Variants in NBAS observed in about 807,000 individuals in gnomAD.
NBAS encodes NAG/BC035112 fusion.
NBAS carries 219 observed loss-of-function variants against 302.5 expected under a neutral mutation model. The observed-to-expected ratio is 0.72, with a 90% confidence interval of 0.65 to 0.81. The LOEUF (loss-of-function observed/expected upper bound fraction) is 0.81, where lower values mean the gene tolerates loss of function less well. Among genes scored for constraint, NBAS ranks in the 30% least tolerant of loss-of-function variants. NBAS has a pLI of 0.00. For missense variants in NBAS, 2,932 were observed against 2,841.6 expected, an observed-to-expected ratio of 1.03 and a Z score of -0.72; for synonymous variants, 1,118 against 1,021.6, an observed-to-expected ratio of 1.09 and a Z score of -1.80.
chr2:15,466,137 T>C (rs999451909), intron 19 of NBAS, among the ~76,000 whole-genome samples: 4 of 152,170 alleles, frequency 2.6e-5, no homozygotes, highest in African/African-American at 9.7e-5. Flanking sequence ...CCTCTTTCAG[T>C]ATTTGTTTAA....
intron 11 of NBAS, among the ~76,000 whole-genome samples, chr2:15,498,121 G>T (rs1681136795): frequency 6.6e-6 from 1 of 152,156 alleles, no homozygotes; most frequent in African/African-American, 2.4e-5. Context: ...ACATGTAGGG[G>T]TATACAGAAA....
chr2:14,961,532 T>C, the NBAS span, among the ~76,000 whole-genome samples: 1 of 152,130 alleles, frequency 6.6e-6, no homozygotes, highest in East Asian at 1.9e-4. Context: ...CCTCAGCAGA[T>C]GCAGATGCCA....
At position 15,276,947 on chromosome 2, in the gene NBAS, G is replaced by A. The variant is rs751791986; in HGVS notation, c.5293C>T (p.Leu1765Phe). The change falls in exon 43 of 52, where the codon CTT becomes TTT. Residue 1765 changes from leucine (L) to phenylalanine (F), a missense_variant. Transcript: ENST00000281513. The part of the protein sequence containing the change: ...DHERLQYYFT[L>F]LENCGCADLG... ...TCTGCACAGCCACAGTTTTCCAGAA[G>A]AGTGAAATAATACTGCAGCCTTTCG... is the stretch of plus-strand genomic sequence containing the variant. 3.1e-6 allele frequency: 5 copies of A among 1,614,074 alleles called. No individual in the cohort carries two copies. The highest frequency in any genetic ancestry group is 4.2e-6 in the Non-Finnish European group (5 of 1,179,988).
chr2:14,924,543 C>G, the NBAS span, among the ~76,000 whole-genome samples: 3 of 152,174 alleles, frequency 2.0e-5, no homozygotes, highest in African/African-American at 7.2e-5. Context: ...CCAAAACAGT[C>G]CCCCCAATGG....
the NBAS span, among the ~76,000 whole-genome samples, chr2:15,130,376 A>G: frequency 8.3e-4 from 127 of 152,280 alleles, 1 homozygote; most frequent in East Asian, 0.02. Flanking sequence ...ACTATTGTCA[A>G]TGAACATTTA....
intron 21 of NBAS, among the ~76,000 whole-genome samples, chr2:15,457,771 C>G (rs73200656): frequency 0.013 from 1,906 of 152,284 alleles, 36 homozygotes; most frequent in African/African-American, 0.043. Context: ...AAATGAATAT[C>G]AAGTATTCAA....
At chr2:14,874,506 G>A in the NBAS span, among the ~76,000 whole-genome samples, 1 of 151,234 alleles carries the variant, frequency 6.6e-6, no homozygotes, top group African/African-American at 2.4e-5. Flanking sequence ...CGGGCATGGT[G>A]GCAGGCGCCT....
At chr2:15,199,902 T>A (rs1483652409) in intron 48 of NBAS, among the ~76,000 whole-genome samples, 1 of 149,184 alleles carries the variant, frequency 6.7e-6, no homozygotes, top group Non-Finnish European at 1.5e-5. Context: ...CTGGATTTTT[T>A]TTTTTTTTTT....
chr2:15,128,600 T>C, the NBAS span, among the ~76,000 whole-genome samples: 1 of 152,048 alleles, frequency 6.6e-6, no homozygotes, highest in Non-Finnish European at 1.5e-5. Context: ...GTGTGCCTTA[T>C]GGAAAGGGGA....
At chr2:15,039,110 C>G in the NBAS span, among the ~76,000 whole-genome samples, 1 of 152,170 alleles carries the variant, frequency 6.6e-6, no homozygotes, top group Non-Finnish European at 1.5e-5. Flanking sequence ...CTGACTAGCC[C>G]TCTGTCTTTG....
chr2:15,252,939 GA>G (rs940746424), intron 44 of NBAS, among the ~76,000 whole-genome samples: 1 of 151,806 alleles, frequency 6.6e-6, no homozygotes, highest in Non-Finnish European at 1.5e-5. Flanking sequence ...GGTACACCAA[GA>G]AAAAAAATTG....
At chr2:15,176,233 G>A (rs191100146) in intron 51 of NBAS, among the ~76,000 whole-genome samples, 1 of 152,332 alleles carries the variant, frequency 6.6e-6, no homozygotes, top group East Asian at 1.9e-4. Context: ...CTTTAATGGT[G>A]TTGGAAGAGC....
intron 21 of NBAS, among the ~76,000 whole-genome samples, chr2:15,440,891 G>C (rs1047698743): frequency 1.3e-5 from 2 of 151,946 alleles, no homozygotes; most frequent in Non-Finnish European, 2.9e-5. Context: ...CGATCAACTG[G>C]AAGAAAGGGT....
rs757778082 is a variant in NBAS, at chr2:15,468,384, G to A, written c.1875C>T (p.Gly625=). 3 of 1,613,820 alleles carry A rather than the reference G, an allele frequency of 1.9e-6. No individual in the cohort carries two copies. The highest frequency in any genetic ancestry group is 2.5e-6 in the Non-Finnish European group (3 of 1,179,916). The part of the protein sequence containing the change: ...LLAIGKGADD[G]RFTLPGEIDI... ...ATCCAATTCTTTCTGTAACCAACCT[G>A]CCATCATCTGCTCCTTTCCCTATTG... The change falls in exon 17 of 52, where the codon GGC becomes GGT. Residue 625 remains glycine, a splice_region_variant and synonymous_variant. Transcript: ENST00000281513.
At chr2:15,220,283 G>A (rs1666893918) in intron 47 of NBAS, among the ~76,000 whole-genome samples, 2 of 152,012 alleles carry the variant, frequency 1.3e-5, no homozygotes, top group African/African-American at 2.4e-5. Context: ...CCTCCCGGAC[G>A]GGGCGGCTAT....
intron 47 of NBAS, among the ~76,000 whole-genome samples, chr2:15,221,689 G>A (rs918206096): frequency 1.3e-5 from 2 of 152,174 alleles, no homozygotes; most frequent in Admixed American, 1.3e-4. Context: ...GTATATAAAT[G>A]CAAGTGTGGG....
At chr2:15,138,035 A>G in the NBAS span, among the ~76,000 whole-genome samples, 3 of 152,120 alleles carry the variant, frequency 2.0e-5, no homozygotes, top group Admixed American at 2.0e-4. Flanking sequence ...ATTTTCCAAC[A>G]CACAATACAC....
rs141759237 is a variant in NBAS, at chr2:15,378,704, GA to G, written c.3590+897del. Among the ~76,000 whole-genome samples the G allele has an allele frequency of 2.5e-3, 383 of 152,236 alleles. 2 individuals carry two copies. The highest frequency in any genetic ancestry group is 8.7e-3 in the African/African-American group (360 of 41,536). Reference sequence around the variant, plus strand: ...ATTTACTGAAAACGGAACTGAAAGTGAAAAACACAATGGTTGCATGAGTACT... The same window carrying G: ...ATTTACTGAAAACGGAACTGAAAGTGAAAACACAATGGTTGCATGAGTACT... On this transcript the variant is annotated intron_variant, in intron 30 of 51. Transcript: ENST00000281513.
At chr2:15,307,906 A>C (rs1032386117) in intron 40 of NBAS, among the ~76,000 whole-genome samples, 1 of 152,230 alleles carries the variant, frequency 6.6e-6, no homozygotes, top group Non-Finnish European at 1.5e-5. Flanking sequence ...GTAAGTTAAA[A>C]AAACAATTCT....
Sources: allele counts gnomAD v4.1 joint callset (sites outside exome capture counted in the v4.1 genomes callset), GRCh38; gene constraint gnomAD v4.1.1; transcripts MANE v1.5; gene names NCBI Gene and HGNC (gene_info 2026-07-23, HGNC 2026-07-21).